Variants in DCDC1 observed in about 807,000 individuals in gnomAD.
DCDC1 encodes doublecortin domain containing 1, also known as doublecortin domain-containing protein 1.
In DCDC1, 200 loss-of-function variants were observed where a neutral mutation model predicts 178.3. The ratio of observed to expected loss-of-function variants is 1.12; its 90% confidence interval spans 1.00 to 1.26. The LOEUF is 1.26. Ranked by LOEUF, DCDC1 falls within the 50% of genes most tolerant of loss-of-function variation. The probability of loss-of-function intolerance (pLI) is 0.00; values close to 1 mark genes in which losing one functional copy is unlikely to be tolerated. For missense variants in DCDC1, 1,983 were observed against 1,749.2 expected (o/e 1.13, Z -2.38); for synonymous variants, 690 against 604.8 (o/e 1.14, Z -2.07).
intron 9 of DCDC1, among the ~76,000 whole-genome samples, chr11:31,160,305 A>T (rs1180958630): frequency 1.3e-5 from 2 of 152,152 alleles, no homozygotes; most frequent in Non-Finnish European, 2.9e-5. Context: ...CGGAATTCAC[A>T]CCTCATGGCT....
chr11:30,952,768 A>C (rs1948510839), intron 20 of DCDC1, among the ~76,000 whole-genome samples, 200 bp from the exon 21 acceptor site: 1 of 152,168 alleles, frequency 6.6e-6, no homozygotes, highest in Admixed American at 6.6e-5. Context: ...AAAATCAGGA[A>C]AGCATTAAGG....
At chr11:31,148,329 G>A (rs930976725) in intron 9 of DCDC1, among the ~76,000 whole-genome samples, 4 of 151,190 alleles carry the variant, frequency 2.6e-5, no homozygotes, top group Non-Finnish European at 4.4e-5. Context: ...GGCGGATCAC[G>A]TGAGCTCAGG....
In DCDC1 at chr11:30,878,700, G is replaced by C. The variant is rs750388104; in HGVS notation, c.5245C>G (p.Leu1749Val). 6.5e-7 allele frequency: 1 copy of C among 1,548,234 alleles called. No homozygotes were observed. The highest frequency in any genetic ancestry group is 2.0e-5 in the Admixed American group (1 of 49,318). Reference protein sequence around the residue: ...GFKTPKELKQLMEIRANYARI... With the variant: ...GFKTPKELKQVMEIRANYARI... ...GCATAATTTGCTCTGATCTCCATCA[G>C]TTGTTTTAACTCTGTTAAAAAAAAA... Residue 1749 changes from leucine to valine, a missense_variant, in exon 38 of 39, where the codon CTG becomes GTG. By Grantham distance (32) the Leu-to-Val change is conservative (BLOSUM62 1). Transcript: ENST00000684477.
chr11:30,881,377 A>G lies in DCDC1; in HGVS notation c.5083-69T>C, dbSNP rs1283526808. The G allele has an allele frequency of 4.5e-6, 7 of 1,543,218 alleles. No homozygotes were observed. The Admixed American group carries it at 7.7e-5, about 17-fold the overall frequency. On this transcript the variant is annotated intron_variant, in intron 36 of 38. Coordinates refer to ENST00000684477, the MANE Select transcript of DCDC1 (RefSeq NM_001387274.1). ...AATATGATCATGTATCAAAGAACCA[A>G]CTCTTCTGAGAAAACTATTATCCCA... is the stretch of plus-strand genomic sequence containing the variant.
chr11:31,307,444 A>G (rs750597110), intron 4 of DCDC1, 195 bp downstream of exon 4: 31 of 626,660 alleles, frequency 4.9e-5, no homozygotes, highest in Non-Finnish European at 7.7e-5. Context: ...GTTGAAGTGT[A>G]TCTCATATTT....
intron 11 of DCDC1, among the ~76,000 whole-genome samples, chr11:31,120,327 C>T (rs752845778): frequency 3.3e-5 from 5 of 152,076 alleles, no homozygotes; most frequent in Non-Finnish European, 7.4e-5. Flanking sequence ...ATTTCTCTTG[C>T]TCATGGTCAG....
At chr11:31,247,066 G>A (rs1370716312) in intron 8 of DCDC1, among the ~76,000 whole-genome samples, 1 of 151,996 alleles carries the variant, frequency 6.6e-6, no homozygotes, top group Non-Finnish European at 1.5e-5. Flanking sequence ...TGATTTGTAC[G>A]ACAGGATCAA....
At chr11:30,979,739 A>C (rs1475668988) in intron 20 of DCDC1, among the ~76,000 whole-genome samples, 2 of 152,218 alleles carry the variant, frequency 1.3e-5, no homozygotes, top group Non-Finnish European at 2.9e-5. Context: ...AAGAGCCTTA[A>C]ATGCCCAGAA....
At chr11:31,228,821 A>G (rs1975362117) in intron 9 of DCDC1, among the ~76,000 whole-genome samples, 1 of 152,078 alleles carries the variant, frequency 6.6e-6, no homozygotes. Flanking sequence ...AGATCATTAA[A>G]CTACTAAAGA....
intron 13 of DCDC1, among the ~76,000 whole-genome samples, chr11:31,104,773 C>T (rs1315285293): frequency 6.6e-6 from 1 of 151,826 alleles, no homozygotes; most frequent in Non-Finnish European, 1.5e-5. Flanking sequence ...TCAAGCCGTT[C>T]AAGAGGGAGA....
At chr11:31,023,157 C>T (rs1273337578) in intron 20 of DCDC1, among the ~76,000 whole-genome samples, 1 of 152,062 alleles carries the variant, frequency 6.6e-6, no homozygotes, top group Non-Finnish European at 1.5e-5. Flanking sequence ...AGCTTCATGT[C>T]CAGCTGTCCA....
At chr11:31,183,866 G>A (rs1458540295) in intron 9 of DCDC1, among the ~76,000 whole-genome samples, 1 of 152,124 alleles carries the variant, frequency 6.6e-6, no homozygotes, top group African/African-American at 2.4e-5. Flanking sequence ...ACTGCCCAAA[G>A]TAATTTACAG....
At chr11:31,330,034 T>G (rs1256800351) in intron 2 of DCDC1, among the ~76,000 whole-genome samples, 1 of 152,218 alleles carries the variant, frequency 6.6e-6, no homozygotes, top group Non-Finnish European at 1.5e-5. Context: ...AAAGCATTCC[T>G]ATTTCTCCAC....
At chr11:31,213,109 CTCTCTCTCT>C (rs1972880879) in intron 9 of DCDC1, among the ~76,000 whole-genome samples, 1 of 33,688 alleles carries the variant, frequency 3.0e-5, no homozygotes, top group Admixed American at 2.4e-4. Context: ...GCCTCTCTCT[CTCTCTCTCT>C]CTCTCTCTCT....
intron 36 of DCDC1, among the ~76,000 whole-genome samples, chr11:30,881,724 T>C (rs927072165): frequency 7.2e-5 from 11 of 152,194 alleles, no homozygotes; most frequent in Non-Finnish European, 4.4e-5. Flanking sequence ...CAGGTAACTT[T>C]GCTTCAAAAG....
intron 8 of DCDC1, among the ~76,000 whole-genome samples, chr11:31,252,003 T>C (rs1944072783): frequency 6.6e-6 from 1 of 152,166 alleles, no homozygotes; most frequent in Non-Finnish European, 1.5e-5. Context: ...TGGTTCAGTA[T>C]GCAAGCTATG....
intron 20 of DCDC1, among the ~76,000 whole-genome samples, chr11:31,044,853 T>C (rs1035396693): frequency 6.6e-6 from 1 of 152,220 alleles, no homozygotes; most frequent in Non-Finnish European, 1.5e-5. Context: ...TAAACTGCTA[T>C]GTTTGTGGTA....
At chr11:30,873,354 T>TAGAGAG (rs1302235772) in intron 38 of DCDC1, among the ~76,000 whole-genome samples, 71 of 141,222 alleles carry the variant, frequency 5.0e-4, no homozygotes, top group Non-Finnish European at 8.8e-4. Context: ...CATATATATA[T>TAGAGAG]ATATATATAT....
At chr11:31,182,111 G>A (rs1481480427) in intron 9 of DCDC1, among the ~76,000 whole-genome samples, 3 of 152,178 alleles carry the variant, frequency 2.0e-5, no homozygotes, top group African/African-American at 7.2e-5. Context: ...CCAAACCTAC[G>A]TTTGATTGGT....
Sources: gnomAD v4.1 joint callset for allele counts (sites outside exome capture counted in the v4.1 genomes callset) on GRCh38, gnomAD v4.1.1 for gene constraint, MANE v1.5 for transcripts, NCBI Gene and HGNC (gene_info 2026-07-23, HGNC 2026-07-21) for gene names.